Variants in BMERB1 observed in about 807,000 individuals in gnomAD.
BMERB1 encodes bMERB domain-containing protein 1.
Under a neutral mutation model 23.6 loss-of-function variants are expected in BMERB1, and 12 were observed. The ratio of observed to expected loss-of-function variants is 0.51; its 90% CI spans 0.33 to 0.82. BMERB1 has a LOEUF of 0.82. BMERB1 is among the 40% of genes least tolerant of loss of function. The probability of loss-of-function intolerance (pLI) is 0.03; values close to 1 mark genes in which losing one functional copy is unlikely to be tolerated. For missense variants in BMERB1, 247 were observed against 255.4 expected, an observed-to-expected ratio of 0.97 and a Z score of 0.22; for synonymous variants, 122 against 96.6, an observed-to-expected ratio of 1.26 and a Z score of -1.54.
chr16:15,444,138 T>G (rs866523688), intron 1 of BMERB1, among the ~76,000 whole-genome samples: 12 of 131,632 alleles, frequency 9.1e-5, no homozygotes, highest in East Asian at 2.3e-4. Context: ...TTTTTTTTTT[T>G]TTTTTTTTTT....
At chr16:15,470,405 C>CT (rs2051218430) in intron 1 of BMERB1, among the ~76,000 whole-genome samples, 1 of 152,034 alleles carries the variant, frequency 6.6e-6, no homozygotes, top group Non-Finnish European at 1.5e-5. Flanking sequence ...AATTTTTGCT[C>CT]TAAGTTCATG....
chr16:15,436,176 T>A (rs1567444630), intron 1 of BMERB1, among the ~76,000 whole-genome samples: 1 of 152,196 alleles, frequency 6.6e-6, no homozygotes, highest in Non-Finnish European at 1.5e-5. Context: ...TTTATCCTTT[T>A]TTTTGTGTTA....
At chr16:15,511,368 C>T (rs919991789) in intron 1 of BMERB1, among the ~76,000 whole-genome samples, 16 of 152,138 alleles carry the variant, frequency 1.1e-4, no homozygotes, top group African/African-American at 3.1e-4. Flanking sequence ...AGATAATCTT[C>T]GGGACCCGCC....
At chr16:15,446,288 C>CG (rs1323392738) in intron 1 of BMERB1, among the ~76,000 whole-genome samples, 2 of 151,894 alleles carry the variant, frequency 1.3e-5, no homozygotes, top group African/African-American at 4.8e-5. Context: ...CCTAGCTACC[C>CG]GGGGGCTGAG....
intron 1 of BMERB1, among the ~76,000 whole-genome samples, chr16:15,461,869 G>A (rs2150928067): frequency 6.6e-6 from 1 of 152,196 alleles, no homozygotes; most frequent in East Asian, 1.9e-4. Context: ...AGGAGGTTAA[G>A]GCTATAGTGA....
At chr16:15,519,096 C>CACACACAT (rs933249101) in intron 2 of BMERB1, among the ~76,000 whole-genome samples, 1 of 147,082 alleles carries the variant, frequency 6.8e-6, no homozygotes, top group Non-Finnish European at 1.5e-5. Flanking sequence ...CACACACACA[C>CACACACAT]ACACACACAC....
rs566180784 is a variant in BMERB1 at position 15,465,979 on chromosome 16, A to T, written c.106+31220A>T. Among the ~76,000 whole-genome samples the T allele has an allele frequency of 1.5e-3, 228 of 152,324 alleles. 1 individual carries two copies. Among genetic ancestry groups the T allele is most frequent in the Non-Finnish European group, 2.8e-3 (189 of 68,022 alleles). Reference sequence around the variant, plus strand: ...TAGGTGAATATACCACAAATTCTTCAACCAATCTTCCACTGATAATAGGTT... The same window carrying T: ...TAGGTGAATATACCACAAATTCTTCTACCAATCTTCCACTGATAATAGGTT... On this transcript the variant is annotated intron_variant, in intron 1 of 5. Transcript: ENST00000300006.
intron 2 of BMERB1, among the ~76,000 whole-genome samples, chr16:15,544,266 TTAAA>T (rs2052111847): frequency 6.6e-6 from 1 of 152,244 alleles, no homozygotes; most frequent in Non-Finnish European, 1.5e-5. Flanking sequence ...CATTAATGGG[TTAAA>T]TAAATTTTTT....
intron 2 of BMERB1, among the ~76,000 whole-genome samples, chr16:15,530,506 TCAAA>T (rs2051956646): frequency 6.6e-6 from 1 of 152,158 alleles, no homozygotes; most frequent in African/African-American, 2.4e-5. Flanking sequence ...ATTCCTGGGC[TCAAA>T]CAATCTTACT....
chr16:15,526,929 TAAA>T (rs1297442895), intron 2 of BMERB1, among the ~76,000 whole-genome samples: 11 of 148,306 alleles, frequency 7.4e-5, no homozygotes, highest in African/African-American at 2.7e-4. Context: ...GAAATAATAG[TAAA>T]TAATAATAAA....
At position 15,540,747 on chromosome 16, in the gene BMERB1, G is replaced by A. The variant is rs540299647; in HGVS notation, c.230+25319G>A. Among the ~76,000 whole-genome samples the A allele has an allele frequency of 1.2e-4, 19 of 152,306 alleles. No individual in the cohort carries two copies. In the East Asian group the frequency reaches 2.7e-3, roughly 22 times the overall value. On this transcript the variant is annotated intron_variant, in intron 2 of 5. Coordinates refer to ENST00000300006, the MANE Select transcript of BMERB1 (RefSeq NM_033201.3). ...AGTTACAGTCACAGACTTTGCCTGC[G>A]CCAGGGTCTGTGTCCCAGCGGAGAT...
At chr16:15,535,741 C>T (rs1470014243) in intron 2 of BMERB1, among the ~76,000 whole-genome samples, 1 of 150,822 alleles carries the variant, frequency 6.6e-6, no homozygotes, top group Non-Finnish European at 1.5e-5. Context: ...AGTCCATTTT[C>T]ACACTGGAAA....
At chr16:15,531,591 C>T (rs2051967812) in intron 2 of BMERB1, among the ~76,000 whole-genome samples, 1 of 152,140 alleles carries the variant, frequency 6.6e-6, no homozygotes, top group Non-Finnish European at 1.5e-5. Flanking sequence ...GGGAAGATGA[C>T]ACACTACATG....
chr16:15,537,699 C>T (rs2052038717), intron 2 of BMERB1, among the ~76,000 whole-genome samples: 1 of 151,858 alleles, frequency 6.6e-6, no homozygotes, highest in South Asian at 2.1e-4. Flanking sequence ...CACTCTGTTG[C>T]CCAGGCTGGA....
At chr16:15,540,069 T>C (rs984022979) in intron 2 of BMERB1, among the ~76,000 whole-genome samples, 2 of 151,742 alleles carry the variant, frequency 1.3e-5, no homozygotes, top group Non-Finnish European at 2.9e-5. Flanking sequence ...GGCGGGAGGA[T>C]TGCTGGAACC....
At chr16:15,566,159 A>G (rs1012639323) in intron 2 of BMERB1, among the ~76,000 whole-genome samples, 2 of 152,220 alleles carry the variant, frequency 1.3e-5, no homozygotes, top group Non-Finnish European at 2.9e-5. Context: ...CAGCCATTAC[A>G]AATATTGTTT....
Position 15,537,922 on chromosome 16 carries a change from A to G in BMERB1, c.230+22494A>G, listed in dbSNP as rs1299811044. 9.9e-5 allele frequency among the ~76,000 whole-genome samples: 15 copies of G among 151,566 alleles called. 1 individual carries two copies. Among genetic ancestry groups the G allele is most frequent in the Non-Finnish European group, 2.9e-5 (2 of 67,872 alleles). On this transcript the variant is annotated intron_variant, in intron 2 of 5. Transcript: ENST00000300006. ...GATTCTCCTGCCTCAGTCTCCCAAA[A>G]TGATGGGATTACAGGCATGAGCCAC...
intron 2 of BMERB1, among the ~76,000 whole-genome samples, chr16:15,567,712 G>A (rs1481942636): frequency 6.6e-6 from 1 of 151,900 alleles, no homozygotes; most frequent in Non-Finnish European, 1.5e-5. Context: ...GCGGTGAGCC[G>A]AGATCATGCC....
At chr16:15,438,587 G>A (rs1403576255) in intron 1 of BMERB1, among the ~76,000 whole-genome samples, 1 of 151,500 alleles carries the variant, frequency 6.6e-6, no homozygotes, top group Non-Finnish European at 1.5e-5. Context: ...AGCCTCCCGA[G>A]TAGCTGGGAT....
Sources: allele counts gnomAD v4.1 joint callset (sites outside exome capture counted in the v4.1 genomes callset), GRCh38; gene constraint gnomAD v4.1.1; transcripts MANE v1.5; gene names NCBI Gene and HGNC (gene_info 2026-07-23, HGNC 2026-07-21).